Variants in WDPCP observed in about 807,000 individuals in gnomAD.
WDPCP encodes WD repeat containing planar cell polarity effector.
Under a neutral mutation model 93.1 loss-of-function variants are expected in WDPCP, and 71 were observed. That is an observed-to-expected ratio of 0.76 (90% confidence interval 0.63 to 0.93). WDPCP has a LOEUF of 0.93. Among genes scored for constraint, WDPCP ranks in the 40% least tolerant of loss-of-function variants. The pLI is 0.00. For synonymous variants in WDPCP, 315 were observed against 315.0 expected, an observed-to-expected ratio of 1.00 and a Z score of 0.00; for missense variants, 844 against 887.4, an observed-to-expected ratio of 0.95 and a Z score of 0.62.
chr2:63,604,900 C>A, intron 3 of WDPCP: 1 of 1,610,566 alleles, frequency 6.2e-7, no homozygotes, highest in Non-Finnish European at 8.5e-7. Context: ...GCCTTCTTAA[C>A]ACTGAGCGTA....
intron 1 of WDPCP, among the ~76,000 whole-genome samples, chr2:63,513,780 A>G (rs1558737793): frequency 6.6e-6 from 1 of 152,060 alleles, no homozygotes; most frequent in African/African-American, 2.4e-5. Flanking sequence ...ATTATTCCCC[A>G]CTATGTCCAG....
At chr2:63,346,222 A>C (rs1689179316) in intron 12 of WDPCP, among the ~76,000 whole-genome samples, 1 of 152,218 alleles carries the variant, frequency 6.6e-6, no homozygotes, top group African/African-American at 2.4e-5. Context: ...GAAATACCCC[A>C]ATTGTTATGG....
intron 13 of WDPCP, among the ~76,000 whole-genome samples, chr2:63,270,121 A>C (rs1207629303): frequency 1.3e-5 from 2 of 152,218 alleles, no homozygotes; most frequent in Non-Finnish European, 2.9e-5. Context: ...AATAGAAATA[A>C]AAATTTTAGT....
At chr2:63,248,115 TTTATAA>T (rs1279265559) in intron 14 of WDPCP, among the ~76,000 whole-genome samples, 6 of 152,194 alleles carry the variant, frequency 3.9e-5, no homozygotes, top group Admixed American at 6.6e-5. Context: ...ACTAAAGAGC[TTTATAA>T]TTATTTTTAT....
chr2:63,233,981 T>C (rs916592065), intron 14 of WDPCP, among the ~76,000 whole-genome samples: 3 of 152,098 alleles, frequency 2.0e-5, no homozygotes, highest in African/African-American at 4.8e-5. Flanking sequence ...TAAGAACATA[T>C]GCTTAGGGTA....
rs533594422 is a variant in WDPCP, at chr2:63,353,068, C to G, written c.1748+25318G>C. Among the ~76,000 whole-genome samples the G allele has an allele frequency of 1.4e-4, 21 of 152,222 alleles. 1 individual carries two copies. Among genetic ancestry groups the G allele is most frequent in the African/African-American group, 4.6e-4 (19 of 41,528 alleles). ...AAGCACAACAGGACGATGGCCCACC[C>G]GGAAGCAACACAGAGCCAGGGAAGC... On this transcript the variant is annotated intron_variant, in intron 12 of 17. Coordinates refer to ENST00000272321, the MANE Select transcript of WDPCP (RefSeq NM_015910.7).
intron 15 of WDPCP, among the ~76,000 whole-genome samples, chr2:63,163,438 C>A (rs1672762783): frequency 6.6e-6 from 1 of 152,126 alleles, no homozygotes; most frequent in Admixed American, 6.5e-5. Flanking sequence ...ACATAAAGCA[C>A]CTGGTGGGCA....
intron 3 of WDPCP, among the ~76,000 whole-genome samples, chr2:63,624,848 G>C (rs1709790960): frequency 6.6e-6 from 1 of 152,140 alleles, no homozygotes; most frequent in Non-Finnish European, 1.5e-5. Flanking sequence ...GCATCATCCT[G>C]ATACCAAAAC....
chr2:63,778,479 T>C (rs1670338777), intron 2 of WDPCP, among the ~76,000 whole-genome samples: 1 of 152,036 alleles, frequency 6.6e-6, no homozygotes, highest in Admixed American at 6.6e-5. Flanking sequence ...AGTGCTAGGA[T>C]TACAGGCGTG....
chr2:63,713,353 A>T (rs1669289925), intron 2 of WDPCP, among the ~76,000 whole-genome samples: 1 of 152,140 alleles, frequency 6.6e-6, no homozygotes, highest in African/African-American at 2.4e-5. Context: ...CAGCTTTATC[A>T]AGCATAGAGG....
intron 2 of WDPCP, among the ~76,000 whole-genome samples, chr2:63,780,408 G>A (rs1226850643): frequency 6.6e-6 from 1 of 152,144 alleles, no homozygotes; most frequent in African/African-American, 2.4e-5. Context: ...TGAGGGCTGT[G>A]ACTGCCAGAA....
intron 9 of WDPCP, among the ~76,000 whole-genome samples, chr2:63,421,062 G>A (rs1695821993): frequency 6.6e-6 from 1 of 152,080 alleles, no homozygotes; most frequent in African/African-American, 2.4e-5. Flanking sequence ...CCATAATAGT[G>A]AATGAGAGTT....
At chr2:63,630,812 C>G (rs768325051) in intron 3 of WDPCP, among the ~76,000 whole-genome samples, 2 of 152,156 alleles carry the variant, frequency 1.3e-5, no homozygotes, top group Admixed American at 6.6e-5. Flanking sequence ...TTCAAGTTTT[C>G]CTGAATATGT....
At chr2:63,568,635 A>G (rs1558820587) in intron 1 of WDPCP, among the ~76,000 whole-genome samples, 1 of 152,212 alleles carries the variant, frequency 6.6e-6, no homozygotes, top group East Asian at 1.9e-4. Flanking sequence ...TGCTGTGTCC[A>G]GTTTCCATTG....
the WDPCP span, among the ~76,000 whole-genome samples, chr2:63,833,293 T>C: frequency 3.3e-5 from 5 of 152,308 alleles, no homozygotes; most frequent in East Asian, 9.6e-4. Context: ...AATAACTCTC[T>C]GTCTGGTGAG....
chr2:63,503,405 T>G (rs1451527222), intron 1 of WDPCP, among the ~76,000 whole-genome samples: 1 of 152,208 alleles, frequency 6.6e-6, no homozygotes, highest in Non-Finnish European at 1.5e-5. Context: ...CAAAGAGACT[T>G]GTATCTAGTT....
chr2:63,653,888 C>A, intron 2 of WDPCP, among the ~76,000 whole-genome samples: 1 of 129,920 alleles, frequency 7.7e-6, no homozygotes. Context: ...CCAGCCTGTG[C>A]AACAGAGCAA....
chr2:63,299,564 T>A (rs1685169297), intron 13 of WDPCP, among the ~76,000 whole-genome samples: 2 of 152,280 alleles, frequency 1.3e-5, no homozygotes, highest in Middle Eastern at 3.4e-3. Context: ...AAGGCAGGCT[T>A]CACATTTGGC....
chr2:63,177,412 C>T (rs1196589192), intron 14 of WDPCP, among the ~76,000 whole-genome samples: 1 of 152,140 alleles, frequency 6.6e-6, no homozygotes, highest in African/African-American at 2.4e-5. Context: ...GTCTTTAATA[C>T]CTATCAGCAG....
Sources: gnomAD v4.1 joint callset for allele counts (sites outside exome capture counted in the v4.1 genomes callset) on GRCh38, gnomAD v4.1.1 for gene constraint, MANE v1.5 for transcripts, NCBI Gene and HGNC (gene_info 2026-07-23, HGNC 2026-07-21) for gene names.